The following PIP5K1B variants were observed in gnomAD, a reference collection of about 807,000 sequenced individuals.
PIP5K1B encodes phosphatidylinositol 4-phosphate 5-kinase type-1 beta.
In PIP5K1B, 42 loss-of-function variants were observed where a neutral mutation model predicts 67.0. The observed-to-expected ratio is 0.63, with a 90% confidence interval of 0.49 to 0.81. The LOEUF is 0.81. Ranked by LOEUF, PIP5K1B falls within the 30% of genes least tolerant of loss-of-function variation. The pLI, the probability that PIP5K1B is intolerant of heterozygous loss-of-function variation, is 0.00. For synonymous variants in PIP5K1B, 214 were observed against 231.4 expected (o/e 0.92, Z 0.68); for missense variants, 459 against 646.3 (o/e 0.71, Z 3.14).
intron 2 of PIP5K1B, among the ~76,000 whole-genome samples, chr9:68,754,158 T>G (rs1002369803): frequency 2.6e-5 from 4 of 151,110 alleles, no homozygotes; most frequent in Admixed American, 1.3e-4. Context: ...TAAGTCTTCT[T>G]TTATGTTCCA....
At chr9:68,750,814 G>A (rs977425155) in intron 2 of PIP5K1B, among the ~76,000 whole-genome samples, 8 of 152,218 alleles carry the variant, frequency 5.3e-5, no homozygotes, top group African/African-American at 1.7e-4. Context: ...AAGGGGGCAG[G>A]TTGTGATATT....
chr9:68,898,826 G>A (rs552557219), intron 8 of PIP5K1B, among the ~76,000 whole-genome samples: 13 of 152,300 alleles, frequency 8.5e-5, no homozygotes, highest in African/African-American at 2.6e-4. Context: ...TATTGAGACC[G>A]TGGTTATTCA....
intron 2 of PIP5K1B, among the ~76,000 whole-genome samples, chr9:68,785,649 T>C (rs1831568737): frequency 6.6e-6 from 1 of 152,234 alleles, no homozygotes; most frequent in South Asian, 2.1e-4. Context: ...ATCCTCATTT[T>C]ATAAATGAGG....
At chr9:68,788,288 C>T in intron 2 of PIP5K1B, 2 of 619,560 alleles carry the variant, frequency 3.2e-6, no homozygotes, top group South Asian at 3.2e-5. Flanking sequence ...CATGACTTTT[C>T]CCTCTGCAGA....
rs185615501 is a variant in PIP5K1B at position 68,833,415 on chromosome 9, G to A, written c.69+10732G>A. Among the ~76,000 whole-genome samples, 51 of 152,356 alleles carry A rather than the reference G, an allele frequency of 3.3e-4. No individual in the cohort carries two copies. In the East Asian group the frequency reaches 9.6e-3, roughly 29 times the overall value. On this transcript the variant is annotated intron_variant, in intron 4 of 15. Transcript: ENST00000265382. ...AAGGAACTGAGGTGGAGGCCAGTGT[G>A]ATGCAAGGTTCTGAGCAGGGAAGAG...
At chr9:68,928,752 G>A (rs1459097369) in intron 12 of PIP5K1B, among the ~76,000 whole-genome samples, 1 of 152,200 alleles carries the variant, frequency 6.6e-6, no homozygotes, top group Non-Finnish European at 1.5e-5. Context: ...CAGTGGGAAA[G>A]GTGATTCCTA....
At chr9:68,752,537 G>C (rs950785) in intron 2 of PIP5K1B, among the ~76,000 whole-genome samples, 21,859 of 149,266 alleles carry the variant, frequency 0.15, 1,639 homozygotes, top group East Asian at 0.17. Flanking sequence ...CTTGCTGTCT[G>C]CCTTGCTCCT....
rs1827174258 is a variant in PIP5K1B, at chr9:68,934,920, G to A, written c.1232G>A (p.Cys411Tyr). 2.5e-6 allele frequency: 4 copies of A among 1,612,590 alleles called. No individual in the cohort carries two copies. Among genetic ancestry groups the A allele is most frequent in the Non-Finnish European group, 3.4e-6 (4 of 1,179,108 alleles). The change falls in exon 13 of 16, where the codon TGC becomes TAC. Residue 411 changes from cysteine (C) to tyrosine (Y), a missense_variant. Cys to Tyr is a radical substitution (Grantham distance 194). This residue lies in a region of PIP5K1B where 169 missense variants were observed against 171.9 expected (regional missense o/e 0.98). Coordinates refer to ENST00000265382, the MANE Select transcript of PIP5K1B (RefSeq NM_003558.4). ...AAGGCTTCACCGTCTAAGAAACGGTGCAATTCAATCGCCGCCCTAAAGGCC... is the reference window on the plus strand; with the variant it reads ...AAGGCTTCACCGTCTAAGAAACGGTACAATTCAATCGCCGCCCTAAAGGCC... ...ALKASPSKKR[C>Y]NSIAALKATS...
chr9:68,953,275 C>T (rs1017102895), intron 14 of PIP5K1B, among the ~76,000 whole-genome samples: 41 of 151,802 alleles, frequency 2.7e-4, no homozygotes, highest in African/African-American at 8.5e-4. Flanking sequence ...TTTTTTTGTT[C>T]GCTGAGATTT....
chr9:68,736,031 A>G (rs1204838643), intron 1 of PIP5K1B, among the ~76,000 whole-genome samples: 1 of 152,150 alleles, frequency 6.6e-6, no homozygotes, highest in Non-Finnish European at 1.5e-5. Flanking sequence ...ACAAACACAA[A>G]TTTGGGCAGG....
chr9:68,819,999 A>G (rs933852750), intron 3 of PIP5K1B, among the ~76,000 whole-genome samples: 1 of 152,218 alleles, frequency 6.6e-6, no homozygotes, highest in African/African-American at 2.4e-5. Context: ...AAAGTAATAA[A>G]AAGTACTTTA....
chr9:68,782,301 G>A (rs1018048671), intron 2 of PIP5K1B: 3 of 167,056 alleles, frequency 1.8e-5, no homozygotes, highest in African/African-American at 7.2e-5. Flanking sequence ...AAAATTAGTG[G>A]AGAGTCACAT....
chr9:68,815,168 T>A (rs1190962227), intron 2 of PIP5K1B, among the ~76,000 whole-genome samples: 2 of 151,966 alleles, frequency 1.3e-5, no homozygotes, highest in Non-Finnish European at 2.9e-5. Context: ...TGACAAATTC[T>A]CTGGAAGTTA....
intron 15 of PIP5K1B, among the ~76,000 whole-genome samples, chr9:69,000,210 A>G (rs1830761717): frequency 6.6e-6 from 1 of 152,170 alleles, no homozygotes; most frequent in Non-Finnish European, 1.5e-5. Context: ...CAGCAATTTT[A>G]ACAAAGTATC....
intron 14 of PIP5K1B, 182 bp downstream of exon 14, chr9:68,940,972 C>T (rs1827532386): frequency 1.4e-6 from 1 of 695,018 alleles, no homozygotes; most frequent in Non-Finnish European, 2.6e-6. Flanking sequence ...GAGGGAAAAC[C>T]CTCATGATTT....
At chr9:68,709,864 C>G (rs534143622) in intron 1 of PIP5K1B, among the ~76,000 whole-genome samples, 1 of 152,140 alleles carries the variant, frequency 6.6e-6, no homozygotes, top group East Asian at 1.9e-4. Flanking sequence ...GAGCTATGAT[C>G]GCACCACTGT....
chr9:68,922,485 G>T (rs1022814999), intron 11 of PIP5K1B, among the ~76,000 whole-genome samples: 7 of 57,352 alleles, frequency 1.2e-4, no homozygotes, highest in Admixed American at 6.1e-4. Context: ...TTCTCTATTG[G>T]AATCCATAAG....
chr9:68,800,777 A>G (rs1241750300), intron 2 of PIP5K1B, among the ~76,000 whole-genome samples: 1 of 152,136 alleles, frequency 6.6e-6, no homozygotes, highest in Admixed American at 6.5e-5. Flanking sequence ...CTAAATCAGA[A>G]AGGTTGCCTT....
At chr9:68,750,042 A>G (rs1829542504) in intron 2 of PIP5K1B, among the ~76,000 whole-genome samples, 3 of 152,224 alleles carry the variant, frequency 2.0e-5, no homozygotes, top group Non-Finnish European at 2.9e-5. Context: ...TGTTGTAAGG[A>G]TATTCAAATG....
Sources: gnomAD v4.1 joint callset for allele counts (sites outside exome capture counted in the v4.1 genomes callset) on GRCh38, gnomAD v4.1.1 for gene constraint, gnomAD v4.1.1 regional missense constraint, MANE v1.5 for transcripts, NCBI Gene and HGNC (gene_info 2026-07-23, HGNC 2026-07-21) for gene names.